The following SWAP70 variants were observed in gnomAD, a reference collection of about 807,000 sequenced individuals.
SWAP70 encodes the protein switch-associated protein 70.
A neutral mutation model predicts 80.2 loss-of-function variants in SWAP70; 34 were observed. The ratio of observed to expected loss-of-function variants is 0.42; its 90% CI spans 0.32 to 0.56. The LOEUF (loss-of-function observed/expected upper bound fraction) is 0.56. Ranked by LOEUF, SWAP70 falls within the 20% of genes least tolerant of loss-of-function variation. The pLI is 0.09. For missense variants in SWAP70, 578 were observed against 690.7 expected (o/e 0.84, Z 1.83); for synonymous variants, 239 against 238.5 (o/e 1.00, Z -0.02).
chr11:9,688,091 A>G (rs567848904), intron 1 of SWAP70, among the ~76,000 whole-genome samples: 1 of 152,346 alleles, frequency 6.6e-6, no homozygotes, highest in South Asian at 2.1e-4. Flanking sequence ...CAGTCTTTTT[A>G]TCTGTGAAGT....
intron 1 of SWAP70, among the ~76,000 whole-genome samples, chr11:9,686,146 A>G (rs1051327404): frequency 1.1e-4 from 17 of 152,008 alleles, no homozygotes; most frequent in African/African-American, 3.1e-4. Flanking sequence ...ACAGAGTCCA[A>G]AGTAAAACAT....
chr11:9,702,265 G>A (rs1371591610), intron 2 of SWAP70, among the ~76,000 whole-genome samples: 1 of 152,136 alleles, frequency 6.6e-6, no homozygotes, highest in African/African-American at 2.4e-5. Context: ...TCAAATGTGT[G>A]CCTAACAACA....
At chr11:9,695,873 T>C (rs1307536036) in intron 2 of SWAP70, among the ~76,000 whole-genome samples, 2 of 152,048 alleles carry the variant, frequency 1.3e-5, no homozygotes, top group Non-Finnish European at 1.5e-5. Flanking sequence ...CAGCTCACTG[T>C]AGCCTCTGAC....
rs1301644405 is a variant in SWAP70 at position 9,751,097 on chromosome 11, T to C, written c.*1127T>C. On this transcript the variant is annotated 3_prime_UTR_variant, in exon 12 of 12. Transcript: ENST00000318950. ...TTTGAAATAAAAATTATTTGTATAA[T>C]TAAGAAAGCAGATTAGATGCACATG... 2.0e-5 allele frequency: 3 copies of C among 152,180 alleles called. No homozygotes were observed. The highest frequency in any genetic ancestry group is 2.9e-5 in the Non-Finnish European group (2 of 68,032). 9.4% of individuals were successfully genotyped at this position (152,180 alleles called of 1,614,324 possible).
chr11:9,680,863 A>G (rs1259183393), intron 1 of SWAP70: 1 of 152,220 alleles, frequency 6.6e-6, no homozygotes, highest in Non-Finnish European at 1.5e-5. Flanking sequence ...AAGGATATAG[A>G]CAGTTGCAGA....
chr11:9,681,946 G>C (rs1850573107), intron 1 of SWAP70, among the ~76,000 whole-genome samples: 2 of 152,194 alleles, frequency 1.3e-5, no homozygotes, highest in South Asian at 2.1e-4. Flanking sequence ...GGAGTAAGGA[G>C]AGTTACCTGT....
rs1195049342 is a variant in SWAP70 at position 9,671,513 on chromosome 11, T to A, written c.99+7235T>A. Among the ~76,000 whole-genome samples, 2 of 87,082 alleles carry A rather than the reference T, an allele frequency of 2.3e-5. 1 individual carries two copies. The highest frequency in any genetic ancestry group is 4.1e-5 in the Non-Finnish European group (2 of 48,830). The allele number at this position is 87,082 out of a possible 152,430, so 57.1% of individuals were successfully genotyped here. ...AAATATATATATAAATATATATAAA[T>A]ATATATATAAATATATAAATATATA... On this transcript the variant is annotated intron_variant, in intron 1 of 11. Coordinates refer to ENST00000318950, the MANE Select transcript of SWAP70 (RefSeq NM_015055.4).
chr11:9,725,334 TA>T (rs1379360631), intron 4 of SWAP70, among the ~76,000 whole-genome samples: 1 of 150,670 alleles, frequency 6.6e-6, no homozygotes, highest in Non-Finnish European at 1.5e-5. Context: ...AGGCTTTCAT[TA>T]AAAAAAATTA....
In SWAP70 at chr11:9,732,599, G is replaced by C; in HGVS notation, c.969G>C (p.Arg323=). The change falls in exon 7 of 12, where the codon CGG becomes CGC. Residue 323 remains arginine, a synonymous_variant. Transcript: ENST00000318950. Reference sequence around the variant, plus strand: ...CACACAAAGAAGCCCGCCAGCGTCGGAAAGAACTCCGGAAGAAGCAGCTGG... The same window carrying C: ...CACACAAAGAAGCCCGCCAGCGTCGCAAAGAACTCCGGAAGAAGCAGCTGG... The part of the protein sequence containing the change: ...PPPHKEARQR[R]KELRKKQLAE... The C allele has an allele frequency of 6.2e-7, 1 of 1,601,884 alleles. No individual in the cohort carries two copies. Among genetic ancestry groups the C allele is most frequent in the Non-Finnish European group, 8.5e-7 (1 of 1,172,950 alleles).
At chr11:9,682,575 ACT>A (rs1452177181) in intron 1 of SWAP70, among the ~76,000 whole-genome samples, 1 of 152,246 alleles carries the variant, frequency 6.6e-6, no homozygotes, top group African/African-American at 2.4e-5. Context: ...GAATAAAATC[ACT>A]TTCTTTTTTC....
rs573428501 is a variant in SWAP70, at chr11:9,744,053, C to T, written c.1355+3706C>T. 6.6e-5 allele frequency among the ~76,000 whole-genome samples: 10 copies of T among 151,302 alleles called. No homozygotes were observed. In the East Asian group the frequency reaches 1.2e-3, roughly 18 times the overall value. ...TCTCGGCTCACTGCAAGCTCTGCCT[C>T]CCAGGTTCAAGCCATTCTCCTGCCT... On this transcript the variant is annotated intron_variant, in intron 9 of 11. Transcript: ENST00000318950.
rs547420829 is a variant in SWAP70, at chr11:9,712,674, G to A, written c.241-792G>A. Among the ~76,000 whole-genome samples, 4 of 152,044 alleles carry A rather than the reference G, an allele frequency of 2.6e-5. No homozygotes were observed. The South Asian group carries it at 6.2e-4, about 24-fold the overall frequency. On this transcript the variant is annotated intron_variant, in intron 2 of 11. Transcript: ENST00000318950. ...GGATACGTGAACAAATGAATGAATG[G>A]CAGGATTGTTGTTTTAGAATTTCAG...
chr11:9,695,876 C>T (rs1391053573), intron 2 of SWAP70, among the ~76,000 whole-genome samples: 1 of 151,954 alleles, frequency 6.6e-6, no homozygotes, highest in Non-Finnish European at 1.5e-5. Flanking sequence ...CTCACTGTAG[C>T]CTCTGACCTC....
At chr11:9,679,931 A>C (rs1424053271) in intron 1 of SWAP70, among the ~76,000 whole-genome samples, 1 of 152,130 alleles carries the variant, frequency 6.6e-6, no homozygotes, top group Non-Finnish European at 1.5e-5. Context: ...AGCCTTCCAG[A>C]GTGCTGGGAT....
At chr11:9,667,007 G>A (rs1850315304) in intron 1 of SWAP70, among the ~76,000 whole-genome samples, 1 of 151,882 alleles carries the variant, frequency 6.6e-6, no homozygotes, top group Non-Finnish European at 1.5e-5. Context: ...ACAGGTGCCC[G>A]CTGCCATGCC....
intron 8 of SWAP70, 34 bp from the exon 9 acceptor site, chr11:9,740,147 C>A: frequency 6.3e-7 from 1 of 1,599,562 alleles, no homozygotes; most frequent in Non-Finnish European, 8.5e-7. Context: ...AAGAAGTCAA[C>A]CTGCATTTAA....
chr11:9,750,000 G>T lies in SWAP70; in HGVS notation c.*30G>T. On this transcript the variant is annotated 3_prime_UTR_variant, in exon 12 of 12. Transcript: ENST00000318950. ...GCTTGCTGGCAGTCACGTCAGTTAT[G>T]TAGATACTGCATGGCAGGAGAGCTT... 1.4e-6 allele frequency: 2 copies of T among 1,435,452 alleles called. No homozygotes were observed. The highest frequency in any genetic ancestry group is 9.8e-7 in the Non-Finnish European group (1 of 1,018,224). The allele number at this position is 1,435,452 out of a possible 1,614,324, so 88.9% of individuals were successfully genotyped here.
At chr11:9,703,483 T>A (rs2572939) in intron 2 of SWAP70, 35,119 of 456,148 alleles carry the variant, frequency 0.077, 2,785 homozygotes, top group African/African-American at 0.25. Context: ...TGCAGCGAAT[T>A]TTTGTTGATC....
intron 4 of SWAP70, among the ~76,000 whole-genome samples, chr11:9,726,237 G>C (rs913236589): frequency 6.6e-6 from 1 of 152,014 alleles, no homozygotes; most frequent in Non-Finnish European, 1.5e-5. Context: ...CTTTTTCTCA[G>C]CACCCAGCAT....
Sources: allele counts gnomAD v4.1 joint callset (sites outside exome capture counted in the v4.1 genomes callset), GRCh38; gene constraint gnomAD v4.1.1; transcripts MANE v1.5; gene names NCBI Gene and HGNC (gene_info 2026-07-23, HGNC 2026-07-21).